Variants in WRNIP1 observed in about 807,000 individuals in gnomAD.
WRNIP1 encodes the protein ATPase WRNIP1.
Under a neutral mutation model 56.1 loss-of-function variants are expected in WRNIP1, and 41 were observed. That is an observed-to-expected ratio of 0.73 (90% CI 0.57 to 0.95). WRNIP1 has a LOEUF of 0.95. Ranked by LOEUF, WRNIP1 falls within the 40% of genes least tolerant of loss-of-function variation. The probability of loss-of-function intolerance (pLI) is 0.00; values close to 1 mark genes in which losing one functional copy is unlikely to be tolerated. For missense variants in WRNIP1, 1,170 were observed against 939.4 expected, an observed-to-expected ratio of 1.25 and a Z score of -3.21; for synonymous variants, 547 against 398.1, an observed-to-expected ratio of 1.37 and a Z score of -4.45.
rs1198591478 is a variant in WRNIP1, at chr6:2,784,373, C to G, written c.1692C>G (p.Gly564=). ...ALTQAVAAYQ[G]CHFIGMPECE... ...CACAAGCGGTTGCTGCCTACCAAGG[C>G]TGTCATTTTATAGGCATGCCTGAAT... Residue 564 remains glycine, a synonymous_variant, in exon 6 of 7, where the codon GGC becomes GGG. Transcript: ENST00000380773. 1.9e-5 allele frequency: 30 copies of G among 1,614,018 alleles called. No homozygotes were observed. The highest frequency in any genetic ancestry group is 2.7e-5 in the African/African-American group (2 of 74,934).
At chr6:2,780,642 A>G (rs557704320) in intron 4 of WRNIP1, among the ~76,000 whole-genome samples, 47 of 152,226 alleles carry the variant, frequency 3.1e-4, no homozygotes, top group Non-Finnish European at 6.3e-4. Context: ...AACACATTCT[A>G]GGTGTGTAGA....
intron 4 of WRNIP1, among the ~76,000 whole-genome samples, chr6:2,779,969 A>G (rs769234748): frequency 2.0e-5 from 3 of 152,168 alleles, no homozygotes; most frequent in African/African-American, 7.2e-5. Flanking sequence ...TGAAGTTTTT[A>G]TTTTATGTAG....
intron 3 of WRNIP1, among the ~76,000 whole-genome samples, chr6:2,778,579 G>A (rs1280363137): frequency 6.6e-6 from 1 of 152,140 alleles, no homozygotes; most frequent in Admixed American, 6.5e-5. Flanking sequence ...TCTTCTCGTC[G>A]CTTCCCAGGC....
intron 2 of WRNIP1, among the ~76,000 whole-genome samples, chr6:2,769,498 TAAA>T (rs946333058): frequency 7.2e-5 from 11 of 152,172 alleles, no homozygotes; most frequent in African/African-American, 2.4e-4. Flanking sequence ...GGCATAACTT[TAAA>T]AAATTTTTTT....
intron 4 of WRNIP1, among the ~76,000 whole-genome samples, chr6:2,782,992 C>G (rs1438413420): frequency 1.3e-5 from 2 of 152,208 alleles, no homozygotes; most frequent in African/African-American, 2.4e-5. Context: ...CCACTTGGCT[C>G]TACATCCTCC....
chr6:2,783,749 T>A (rs921647068), intron 5 of WRNIP1, among the ~76,000 whole-genome samples, 188 bp downstream of exon 5: 2 of 151,224 alleles, frequency 1.3e-5, no homozygotes, highest in Admixed American at 1.3e-4. Context: ...CTCAGTCGTT[T>A]ATTTCCTGGT....
rs1370790096 is a variant in WRNIP1 at position 2,766,346 on chromosome 6, C to T, written c.724C>T (p.Gln242Ter). ...TGACACGCTGCAGGATTACTTCGGGCAGAGCAAGGCCGTGGGCCAGGATAC... is the reference window on the plus strand; with the variant it reads ...TGACACGCTGCAGGATTACTTCGGGTAGAGCAAGGCCGTGGGCCAGGATAC... ...RPDTLQDYFG[Q>*]SKAVGQDTLL... Residue 242 changes from glutamine (Q) to a stop codon, truncating the protein, a stop_gained, in exon 1 of 7, where the codon CAG becomes TAG. Coordinates refer to ENST00000380773, the MANE Select transcript of WRNIP1 (RefSeq NM_020135.3). LOFTEE classifies it high-confidence loss of function. 1 of 1,610,458 alleles carries T rather than the reference C, an allele frequency of 6.2e-7. No individual in the cohort carries two copies. Among genetic ancestry groups the T allele is most frequent in the Admixed American group, 1.7e-5 (1 of 59,840 alleles).
chr6:2,777,028 T>C (rs577551963), intron 3 of WRNIP1, among the ~76,000 whole-genome samples: 10 of 152,320 alleles, frequency 6.6e-5, no homozygotes, highest in East Asian at 1.9e-4. Flanking sequence ...GTTTTTGTTT[T>C]AGGTTAGCTG....
chr6:2,770,205 C>G lies in WRNIP1; in HGVS notation c.1100C>G (p.Ala367Gly). ...TENPSFQVNA[A>G]LLSRCRVIVL... is the part of the protein sequence containing the mutation. ...AACCCTTCCTTCCAGGTCAACGCTGCTCTTCTGAGCCGCTGTCGAGTGATT... is the reference window on the plus strand; with the variant it reads ...AACCCTTCCTTCCAGGTCAACGCTGGTCTTCTGAGCCGCTGTCGAGTGATT... The change falls in exon 3 of 7, where the codon GCT becomes GGT. Residue 367 changes from alanine to glycine, a missense_variant. Coordinates refer to ENST00000380773, the MANE Select transcript of WRNIP1 (RefSeq NM_020135.3). The G allele has an allele frequency of 6.2e-7, 1 of 1,614,208 alleles. No individual in the cohort carries two copies. Among genetic ancestry groups the G allele is most frequent in the Non-Finnish European group, 8.5e-7 (1 of 1,180,032 alleles).
intron 6 of WRNIP1, 126 bp from the exon 7 acceptor site, chr6:2,784,881 A>G (rs1307962867): frequency 7.9e-7 from 1 of 1,268,538 alleles, no homozygotes; most frequent in East Asian, 2.3e-5. Flanking sequence ...TGTAGGCGCA[A>G]AAGGGGGATA....
intron 4 of WRNIP1, among the ~76,000 whole-genome samples, chr6:2,780,955 C>T (rs1389998441): frequency 6.6e-6 from 1 of 152,128 alleles, no homozygotes; most frequent in East Asian, 1.9e-4. Context: ...CTCAAAATTG[C>T]TTTATGGAGA....
rs1581147302 is a variant in WRNIP1 at position 2,786,833 on chromosome 6, G to A, written c.*1551G>A. 1 of 152,254 alleles carries A rather than the reference G, an allele frequency of 6.6e-6. No homozygotes were observed. The highest frequency in any genetic ancestry group is 1.9e-4 in the East Asian group (1 of 5,176). The allele number at this position is 152,254 out of a possible 1,614,324, so 9.4% of individuals were successfully genotyped here. ...CCCGTGTTTTAAAAGTCTGCACTGG[G>A]TACTTGTTGGGCCTTTCAATCTGGA... On this transcript the variant is annotated 3_prime_UTR_variant, in exon 7 of 7. Coordinates refer to ENST00000380773, the MANE Select transcript of WRNIP1 (RefSeq NM_020135.3).
At chr6:2,777,129 ATC>A (rs916735782) in intron 3 of WRNIP1, among the ~76,000 whole-genome samples, 8 of 152,090 alleles carry the variant, frequency 5.3e-5, no homozygotes, top group Non-Finnish European at 8.8e-5. Flanking sequence ...GTACATTTTT[ATC>A]TCTCAGTGCT....
intron 6 of WRNIP1, among the ~76,000 whole-genome samples, chr6:2,784,664 G>C (rs547363625): frequency 6.6e-6 from 1 of 152,138 alleles, no homozygotes; most frequent in African/African-American, 2.4e-5. Context: ...GAGCAGAAAG[G>C]TTAAAGGAGC....
Position 2,765,560 on chromosome 6 carries a change from A to C in WRNIP1, c.-63A>C. The stretch of plus-strand genomic sequence containing the variant: ...CGCGGGGCCTAGCGGAGGGCATCGA[A>C]GGCCTCCGCGTGCGCACGGGTTGCT... On this transcript the variant is annotated 5_prime_UTR_variant, in exon 1 of 7. Coordinates refer to ENST00000380773, the MANE Select transcript of WRNIP1 (RefSeq NM_020135.3). 1.4e-6 allele frequency: 2 copies of C among 1,382,734 alleles called. No homozygotes were observed. The highest frequency in any genetic ancestry group is 9.3e-7 in the Non-Finnish European group (1 of 1,075,078). The allele number at this position is 1,382,734 out of a possible 1,614,324, so 85.7% of individuals were successfully genotyped here.
At chr6:2,774,921 C>T (rs185093999) in intron 3 of WRNIP1, among the ~76,000 whole-genome samples, 24 of 152,246 alleles carry the variant, frequency 1.6e-4, no homozygotes, top group African/African-American at 5.5e-4. Context: ...CTGTTGATAC[C>T]AAAGCAGTAT....
At chr6:2,784,618 T>C (rs1765663762) in intron 6 of WRNIP1, among the ~76,000 whole-genome samples, 1 of 152,170 alleles carries the variant, frequency 6.6e-6, no homozygotes, top group Admixed American at 6.5e-5. Context: ...TTCTCGGGAT[T>C]CCGGGGTTCA....
chr6:2,780,846 T>A (rs937745880), intron 4 of WRNIP1, among the ~76,000 whole-genome samples: 2 of 152,206 alleles, frequency 1.3e-5, no homozygotes, highest in African/African-American at 2.4e-5. Flanking sequence ...AGGACTGTTC[T>A]TTGACATTTT....
At chr6:2,780,125 T>C (rs1424227768) in intron 4 of WRNIP1, among the ~76,000 whole-genome samples, 2 of 152,206 alleles carry the variant, frequency 1.3e-5, no homozygotes, top group Admixed American at 1.3e-4. Flanking sequence ...TTTGCATCTT[T>C]TTATAAAAGA....
Sources: allele counts gnomAD v4.1 joint callset (sites outside exome capture counted in the v4.1 genomes callset), GRCh38; gene constraint gnomAD v4.1.1; transcripts MANE v1.5; gene names NCBI Gene and HGNC (gene_info 2026-07-23, HGNC 2026-07-21).